Variants in HNRNPUL1 observed in about 807,000 individuals in gnomAD.
HNRNPUL1 encodes heterogeneous nuclear ribonucleoprotein U-like protein 1.
Under a neutral mutation model 108.5 loss-of-function variants are expected in HNRNPUL1, and 14 were observed. The ratio of observed to expected loss-of-function variants is 0.13; its 90% CI spans 0.09 to 0.20. The LOEUF is 0.20. Among genes scored for constraint, HNRNPUL1 ranks in the 10% least tolerant of loss-of-function variants. The pLI, the probability that HNRNPUL1 is intolerant of heterozygous loss-of-function variation, is 1.00. For synonymous variants in HNRNPUL1, 422 were observed against 445.2 expected, an observed-to-expected ratio of 0.95 and a Z score of 0.66; for missense variants, 804 against 1,168.3, an observed-to-expected ratio of 0.69 and a Z score of 4.55.
chr19:41,306,678 C>A lies in HNRNPUL1; in HGVS notation c.*113C>A. 1 of 580,176 alleles carries A rather than the reference C, an allele frequency of 1.7e-6. No individual in the cohort carries two copies. The highest frequency in any genetic ancestry group is 2.8e-6 in the Non-Finnish European group (1 of 356,124). The allele number at this position is 580,176 out of a possible 1,614,324, so 35.9% of individuals were successfully genotyped here. ...CGTGGTGCTGGGGATGGGGTCATCC[C>A]AGGGCTGCCTCCCTCCAGCCCACTG... On this transcript the variant is annotated 3_prime_UTR_variant, in exon 15 of 15. Transcript: ENST00000392006.
At chr19:41,268,052 T>TC in intron 1 of HNRNPUL1, 171 bp from the exon 2 acceptor site, 1 of 547,588 alleles carries the variant, frequency 1.8e-6, no homozygotes. Flanking sequence ...AAGCTTGTCT[T>TC]CAGCTGTATC....
Position 41,304,066 on chromosome 19 carries a change from C to T in HNRNPUL1, c.2067C>T (p.Asn689=), listed in dbSNP as rs2037398019. Residue 689 remains asparagine (N), a synonymous_variant, in exon 13 of 15, where the codon AAC becomes AAT. Coordinates refer to ENST00000392006, the MANE Select transcript of HNRNPUL1 (RefSeq NM_007040.6). ...ACTCCAACAACAGAGGCAGCTACAA[C>T]CGGGCTCCCCAGCAACAGCCGCCAC... ...NNNSNNRGSY[N]RAPQQQPPPQ... 6.2e-7 allele frequency: 1 copy of T among 1,613,354 alleles called. No individual in the cohort carries two copies. Among genetic ancestry groups the T allele is most frequent in the South Asian group, 1.1e-5 (1 of 91,074 alleles).
chr19:41,301,499 G>A (rs946296132), intron 10 of HNRNPUL1, 37 bp from the exon 11 acceptor site: 31 of 1,581,080 alleles, frequency 2.0e-5, no homozygotes, highest in Non-Finnish European at 2.5e-5. Flanking sequence ...AACTCTTAAT[G>A]TACCATCTCT....
chr19:41,272,168 C>G lies in HNRNPUL1; in HGVS notation c.505C>G (p.Gln169Glu), dbSNP rs1372308382. The G allele has an allele frequency of 2.5e-6, 4 of 1,614,142 alleles. No individual in the cohort carries two copies. Among genetic ancestry groups the G allele is most frequent in the Non-Finnish European group, 3.4e-6 (4 of 1,180,028 alleles). ...ACTCAAGCCAGACAGGCAGCAATTC[C>G]AGAGTCGAAAGAGGCCTTATGAAGA... ...SQLKPDRQQF[Q>E]SRKRPYEENR... Residue 169 changes from glutamine (Q) to glutamate (E), a missense_variant, in exon 3 of 15, where the codon CAG (glutamine) becomes GAG (glutamate). Around this residue, in one of 4 missense-constraint regions of HNRNPUL1, gnomAD observed 256 missense variants for 261.6 expected, o/e 0.98. Coordinates refer to ENST00000392006, the MANE Select transcript of HNRNPUL1 (RefSeq NM_007040.6).
chr19:41,275,312 A>C (rs1236877259), intron 4 of HNRNPUL1, among the ~76,000 whole-genome samples: 3 of 151,938 alleles, frequency 2.0e-5, no homozygotes, highest in African/African-American at 7.3e-5. Flanking sequence ...AACATGGCGA[A>C]ACCCTGTCTA....
intron 1 of HNRNPUL1, chr19:41,265,005 G>A: frequency 1.4e-6 from 2 of 1,393,564 alleles, no homozygotes; most frequent in East Asian, 5.8e-5. Flanking sequence ...GGACACTGGG[G>A]GAGGGGCCTC....
upstream of HNRNPUL1, among the ~76,000 whole-genome samples, chr19:41,263,939 T>G (rs1283631148): frequency 6.6e-6 from 1 of 152,190 alleles, no homozygotes; most frequent in Non-Finnish European, 1.5e-5. Flanking sequence ...CTAGTGGTTT[T>G]ACCCGCTCGG....
In HNRNPUL1 at chr19:41,264,564, G is replaced by T; in HGVS notation, c.61G>T (p.Asp21Tyr). Residue 21 changes from aspartate (D) to tyrosine (Y), a missense_variant, in exon 1 of 15, where the codon GAC becomes TAC. Physicochemically the swap from Asp to Tyr is radical, Grantham distance 160 (BLOSUM62 -3). Coordinates refer to ENST00000392006, the MANE Select transcript of HNRNPUL1 (RefSeq NM_007040.6). ...CGAGGAGCTGCAGCGCCGCGGCCTG[G>T]ACACTCGAGGCCTCAAGGCCGAGCT... ...LREELQRRGL[D>Y]TRGLKAELAE... 1 of 1,543,746 alleles carries T rather than the reference G, an allele frequency of 6.5e-7. No homozygotes were observed. Among genetic ancestry groups the T allele is most frequent in the Non-Finnish European group, 8.7e-7 (1 of 1,150,570 alleles).
chr19:41,298,099 G>A (rs995395567), intron 10 of HNRNPUL1, among the ~76,000 whole-genome samples: 1 of 152,150 alleles, frequency 6.6e-6, no homozygotes, highest in Non-Finnish European at 1.5e-5. Flanking sequence ...CCTGCTGCCA[G>A]TATGACCCTG....
chr19:41,305,940 T>G (rs922126463), intron 14 of HNRNPUL1, 73 bp downstream of exon 14: 1 of 1,043,020 alleles, frequency 9.6e-7, no homozygotes, highest in South Asian at 1.5e-5. Flanking sequence ...ATTCCCAGAC[T>G]TAAGTCCCTG....
At position 41,270,650 on chromosome 19, in the gene HNRNPUL1, C is replaced by A. The variant is rs537119852; in HGVS notation, c.419-1432C>A. Among the ~76,000 whole-genome samples the A allele has an allele frequency of 2.8e-4, 37 of 133,296 alleles. 1 individual carries two copies. Among genetic ancestry groups the A allele is most frequent in the African/African-American group, 1.1e-3 (36 of 34,148 alleles). 87.4% of individuals were successfully genotyped at this position (133,296 alleles called of 152,430 possible). On this transcript the variant is annotated intron_variant, in intron 2 of 14. Coordinates refer to ENST00000392006, the MANE Select transcript of HNRNPUL1 (RefSeq NM_007040.6). ...TCGCTCTGTTGCCCAGGCTGGAGTA[C>A]AATGGTGTGATCTTGGCTCACTGCA...
intron 5 of HNRNPUL1, among the ~76,000 whole-genome samples, chr19:41,277,606 A>C (rs2035648264): frequency 6.6e-6 from 1 of 152,142 alleles, no homozygotes; most frequent in African/African-American, 2.4e-5. Flanking sequence ...TCCCGGGTTC[A>C]AGCAATTATC....
intron 10 of HNRNPUL1, chr19:41,298,893 A>C (rs1045273594): frequency 6.6e-6 from 1 of 151,766 alleles, no homozygotes; most frequent in African/African-American, 2.4e-5. Flanking sequence ...ATGCCCTCGC[A>C]GTTCAGAGGA....
intron 12 of HNRNPUL1, 112 bp downstream of exon 12, chr19:41,303,061 T>C (rs768799781): frequency 1.6e-6 from 2 of 1,217,632 alleles, no homozygotes; most frequent in Admixed American, 2.8e-5. Context: ...CTGTGAGTTA[T>C]ACTCTGGTAG....
Position 41,302,879 on chromosome 19 carries a change from C to A in HNRNPUL1, c.1902C>A (p.Pro634=). 6.4e-7 allele frequency: 1 copy of A among 1,550,556 alleles called. No homozygotes were observed. The highest frequency in any genetic ancestry group is 8.7e-7 in the Non-Finnish European group (1 of 1,149,138). Residue 634 remains proline (P), a synonymous_variant, in exon 12 of 15, where the codon CCC becomes CCA. Coordinates refer to ENST00000392006, the MANE Select transcript of HNRNPUL1 (RefSeq NM_007040.6). ...TCCAGCGCTATGAAAACCGAGGACC[C>A]CCTGGAGGCAACCGTGGCGGCTTCC... is the stretch of plus-strand genomic sequence containing the variant. The part of the protein sequence containing the change: ...GGFQRYENRG[P]PGGNRGGFQN...
At position 41,306,434 on chromosome 19, in the gene HNRNPUL1, G is replaced by C; in HGVS notation, c.2455-15G>C. 1.3e-6 allele frequency: 2 copies of C among 1,551,594 alleles called. No individual in the cohort carries two copies. The highest frequency in any genetic ancestry group is 1.7e-6 in the Non-Finnish European group (2 of 1,145,634). Reference sequence around the variant, plus strand: ...GGATGCAGGACAACTTGGTGTTCTTGGTTTCTTTCCCCAGTATGCCCAGCA... The same window carrying C: ...GGATGCAGGACAACTTGGTGTTCTTCGTTTCTTTCCCCAGTATGCCCAGCA... On this transcript the variant is annotated splice_polypyrimidine_tract_variant and intron_variant, in intron 14 of 14. Transcript: ENST00000392006.
chr19:41,268,821 G>A (rs527914499), intron 2 of HNRNPUL1, among the ~76,000 whole-genome samples: 19 of 152,044 alleles, frequency 1.2e-4, no homozygotes, highest in Admixed American at 3.3e-4. Flanking sequence ...TCGCGTCATT[G>A]CACTTCACTC....
intron 7 of HNRNPUL1, among the ~76,000 whole-genome samples, chr19:41,282,816 A>G (rs1599799629): frequency 6.7e-6 from 1 of 148,164 alleles, no homozygotes; most frequent in African/African-American, 2.5e-5. Flanking sequence ...CAGCCTCCCA[A>G]GTAGCTGGGA....
intron 5 of HNRNPUL1, chr19:41,278,449 A>C (rs1297655888): frequency 2.0e-5 from 2 of 100,094 alleles, no homozygotes; most frequent in Non-Finnish European, 4.4e-5. Flanking sequence ...TGATGTTAAA[A>C]TATATATATA....
Sources: gnomAD v4.1 joint callset for allele counts (sites outside exome capture counted in the v4.1 genomes callset) on GRCh38, gnomAD v4.1.1 for gene constraint, gnomAD v4.1.1 regional missense constraint, MANE v1.5 for transcripts, NCBI Gene and HGNC (gene_info 2026-07-23, HGNC 2026-07-21) for gene names.